Variants in TRPC3 observed in about 807,000 individuals in gnomAD.
TRPC3 encodes the protein transient receptor potential cation channel subfamily C member 3.
TRPC3 carries 54 observed loss-of-function variants against 90.9 expected under a neutral mutation model. The ratio of observed to expected loss-of-function variants is 0.59; its 90% CI spans 0.48 to 0.75. The LOEUF is 0.75. Ranked by LOEUF, TRPC3 falls within the 30% of genes least tolerant of loss-of-function variation. The pLI is 0.00. For missense variants in TRPC3, 918 were observed against 1,194.5 expected, an observed-to-expected ratio of 0.77 and a Z score of 3.41; for synonymous variants, 424 against 450.9, an observed-to-expected ratio of 0.94 and a Z score of 0.75.
rs1489281830 is a variant in TRPC3 at position 121,918,343 on chromosome 4, G to A, written c.1177-3399C>T. On this transcript the variant is annotated intron_variant, in intron 3 of 11. Coordinates refer to ENST00000379645, the MANE Select transcript of TRPC3 (RefSeq NM_001130698.2). Reference sequence around the variant, plus strand: ...ACAACACAAACGGACTAAGGCACTAGTCGTTCTTAGGTTTTAAACTCTTGA... The same window carrying A: ...ACAACACAAACGGACTAAGGCACTAATCGTTCTTAGGTTTTAAACTCTTGA... Among the ~76,000 whole-genome samples, 3 of 152,306 alleles carry A rather than the reference G, an allele frequency of 2.0e-5. No homozygotes were observed. In the East Asian group the frequency reaches 5.8e-4, roughly 29 times the overall value.
At chr4:121,879,905 T>A (rs1727884345) in intron 11 of TRPC3, 27 bp from the exon 12 acceptor site, 1 of 1,516,390 alleles carries the variant, frequency 6.6e-7, no homozygotes, top group Non-Finnish European at 8.8e-7. Flanking sequence ...AAAAAATTAT[T>A]GGTAAGTTGC....
chr4:121,925,794 T>C lies in TRPC3; in HGVS notation c.988-588A>G, dbSNP rs573162671. 8.0e-4 allele frequency among the ~76,000 whole-genome samples: 122 copies of C among 152,324 alleles called. 1 individual carries two copies. Among genetic ancestry groups the C allele is most frequent in the Admixed American group, 1.3e-3 (20 of 15,310 alleles). ...ACATCGAAGCATCCCATGGTACCCA[T>C]GGTACCCCATAAATATATACAATAA... On this transcript the variant is annotated intron_variant, in intron 2 of 11. Transcript: ENST00000379645.
chr4:121,886,395 G>T (rs182939790), intron 10 of TRPC3, among the ~76,000 whole-genome samples: 9 of 152,230 alleles, frequency 5.9e-5, no homozygotes, highest in Non-Finnish European at 8.8e-5. Flanking sequence ...CAGAAGTACA[G>T]AGTAAAATTT....
intron 8 of TRPC3, among the ~76,000 whole-genome samples, 175 bp downstream of exon 8, chr4:121,904,147 C>T (rs976725017): frequency 5.9e-5 from 9 of 152,128 alleles, no homozygotes; most frequent in African/African-American, 2.2e-4. Context: ...TAGAAGACAG[C>T]AGAATGTGTA....
rs1727802418 is a variant in TRPC3, at chr4:121,877,714, G to A, written c.*2022C>T. On this transcript the variant is annotated 3_prime_UTR_variant, in exon 12 of 12. Coordinates refer to ENST00000379645, the MANE Select transcript of TRPC3 (RefSeq NM_001130698.2). ...AAGATGAAATATTAAAACTATACCA[G>A]TTTGTACATAGTAAATAAAGAAAAA... Among the ~76,000 whole-genome samples, 1 of 145,930 alleles carries A rather than the reference G, an allele frequency of 6.9e-6. No individual in the cohort carries two copies. Among genetic ancestry groups the A allele is most frequent in the Non-Finnish European group, 1.5e-5 (1 of 67,048 alleles).
intron 10 of TRPC3, among the ~76,000 whole-genome samples, chr4:121,894,571 T>TG (rs1289208938): frequency 1.9e-4 from 26 of 139,838 alleles, no homozygotes; most frequent in African/African-American, 6.1e-4. Flanking sequence ...TTTTTTTTTT[T>TG]TTTTTTTTTT....
At chr4:121,927,684 C>T (rs1199463187) in intron 2 of TRPC3, among the ~76,000 whole-genome samples, 1 of 152,166 alleles carries the variant, frequency 6.6e-6, no homozygotes, top group African/African-American at 2.4e-5. Context: ...AAAGGCTACA[C>T]AGATTAGAAT....
At chr4:121,922,174 G>A (rs1578637943) in intron 3 of TRPC3, among the ~76,000 whole-genome samples, 1 of 151,806 alleles carries the variant, frequency 6.6e-6, no homozygotes, top group African/African-American at 2.4e-5. Flanking sequence ...CACCTGCCTC[G>A]GCCCCCCAAA....
rs527949706 is a variant in TRPC3 at position 121,948,905 on chromosome 4, T to C, written c.215+2561A>G. On this transcript the variant is annotated intron_variant, in intron 1 of 11. Coordinates refer to ENST00000379645, the MANE Select transcript of TRPC3 (RefSeq NM_001130698.2). ...TTTTAAAACGGAACTGATTTTACTC[T>C]AATTTACAGCATAACTGCTCATGCC... Among the ~76,000 whole-genome samples the C allele has an allele frequency of 5.9e-5, 9 of 151,854 alleles. No individual in the cohort carries two copies. The East Asian group carries it at 1.8e-3, about 30-fold the overall frequency.
chr4:121,928,951 T>G (rs953484095), intron 2 of TRPC3, among the ~76,000 whole-genome samples: 1 of 152,210 alleles, frequency 6.6e-6, no homozygotes, highest in Non-Finnish European at 1.5e-5. Flanking sequence ...AAGCCAGACT[T>G]CCTGGGTTCA....
chr4:121,940,332 A>C (rs1370941142), intron 1 of TRPC3, among the ~76,000 whole-genome samples: 2 of 152,214 alleles, frequency 1.3e-5, no homozygotes, highest in African/African-American at 2.4e-5. Context: ...AAACAAAACA[A>C]AATTTAAAAC....
chr4:121,907,604 T>G, intron 6 of TRPC3, 37 bp from the exon 7 acceptor site: 2 of 1,571,304 alleles, frequency 1.3e-6, no homozygotes, highest in Non-Finnish European at 1.7e-6. Context: ...AAATGGAGCT[T>G]TCTATTCATT....
At chr4:121,918,172 G>A (rs1447278907) in intron 3 of TRPC3, among the ~76,000 whole-genome samples, 4 of 152,168 alleles carry the variant, frequency 2.6e-5, no homozygotes, top group African/African-American at 2.4e-5. Context: ...ATGTGAGGAC[G>A]TAGTGTTCCT....
chr4:121,927,154 A>C (rs1729750051), intron 2 of TRPC3, among the ~76,000 whole-genome samples: 1 of 152,226 alleles, frequency 6.6e-6, no homozygotes, highest in African/African-American at 2.4e-5. Context: ...TCAGTACCTG[A>C]GAGAAAAATT....
chr4:121,918,107 C>T (rs75091042), intron 3 of TRPC3, among the ~76,000 whole-genome samples: 6,013 of 152,156 alleles, frequency 0.04, 394 homozygotes, highest in African/African-American at 0.14. Flanking sequence ...ATTAAGACGC[C>T]TATAAAAAAG....
chr4:121,941,242 C>T (rs1009507736), intron 1 of TRPC3, among the ~76,000 whole-genome samples: 1 of 152,172 alleles, frequency 6.6e-6, no homozygotes, highest in Non-Finnish European at 1.5e-5. Flanking sequence ...ACGGAAGTCA[C>T]CTCAAATCCT....
rs1388978658 is a variant in TRPC3 at position 121,878,762 on chromosome 4, G to A, written c.*974C>T. On this transcript the variant is annotated 3_prime_UTR_variant, in exon 12 of 12. Transcript: ENST00000379645. ...CCCAAAAGGAACTGAAACACACCTG[G>A]GGATGCTTGGCCATGTCTTTCCAAG... Among the ~76,000 whole-genome samples, 1 of 152,116 alleles carries A rather than the reference G, an allele frequency of 6.6e-6. No homozygotes were observed. The highest frequency in any genetic ancestry group is 2.4e-5 in the African/African-American group (1 of 41,414).
chr4:121,901,077 A>G (rs1415227062), intron 9 of TRPC3, among the ~76,000 whole-genome samples: 3 of 152,202 alleles, frequency 2.0e-5, no homozygotes, highest in African/African-American at 7.2e-5. Flanking sequence ...TCCCTTCTAC[A>G]TTATGATAAT....
At chr4:121,907,709 C>G in intron 6 of TRPC3, 142 bp from the exon 7 acceptor site, 1 of 873,478 alleles carries the variant, frequency 1.1e-6, no homozygotes, top group South Asian at 2.0e-5. Context: ...AATTAACTGT[C>G]CAGGGACTAT....
Sources: allele counts gnomAD v4.1 joint callset (sites outside exome capture counted in the v4.1 genomes callset), GRCh38; gene constraint gnomAD v4.1.1; transcripts MANE v1.5; gene names NCBI Gene and HGNC (gene_info 2026-07-23, HGNC 2026-07-21).